The following CDC42BPB variants were observed in gnomAD, a reference collection of about 807,000 sequenced individuals.
The protein encoded by CDC42BPB is serine/threonine-protein kinase MRCK beta.
Under a neutral mutation model 214.9 loss-of-function variants are expected in CDC42BPB, and 37 were observed. The ratio of observed to expected loss-of-function variants is 0.17; its 90% CI spans 0.13 to 0.23. The LOEUF is 0.23. CDC42BPB is among the 10% of genes least tolerant of loss of function. The probability of loss-of-function intolerance (pLI) is 1.00; values close to 1 mark genes in which losing one functional copy is unlikely to be tolerated. For missense variants in CDC42BPB, 1,694 were observed against 2,227.0 expected, an observed-to-expected ratio of 0.76 and a Z score of 4.82; for synonymous variants, 931 against 884.0, an observed-to-expected ratio of 1.05 and a Z score of -0.94.
At chr14:103,050,629 T>TG (rs34779368) in intron 1 of CDC42BPB, among the ~76,000 whole-genome samples, 36,194 of 152,096 alleles carry the variant, frequency 0.24, 5,433 homozygotes, top group Non-Finnish European at 0.33. Flanking sequence ...TAGCGGTGTA[T>TG]GCCTATTGTC....
chr14:103,045,999 T>C (rs997659961), intron 1 of CDC42BPB, among the ~76,000 whole-genome samples: 1 of 152,062 alleles, frequency 6.6e-6, no homozygotes, highest in African/African-American at 2.4e-5. Context: ...GGACGAGTGG[T>C]ATCTAACTCA....
chr14:102,957,050 A>G (rs951588814), intron 21 of CDC42BPB, among the ~76,000 whole-genome samples: 1 of 144,890 alleles, frequency 6.9e-6, no homozygotes, highest in Non-Finnish European at 1.5e-5. Context: ...AAAAAAAAAA[A>G]ATTAGCCGGG....
intron 30 of CDC42BPB, 84 bp from the exon 31 acceptor site, chr14:102,940,408 T>C: frequency 3.9e-6 from 6 of 1,541,944 alleles, no homozygotes; most frequent in Non-Finnish European, 5.3e-6. Context: ...GCCTTGGCAC[T>C]TGAACAAGTG....
intron 36 of CDC42BPB, among the ~76,000 whole-genome samples, chr14:102,935,568 T>A (rs942685026): frequency 3.3e-5 from 5 of 152,088 alleles, no homozygotes; most frequent in African/African-American, 1.2e-4. Context: ...GGCGGGCAGA[T>A]CACTTGAGGT....
intron 14 of CDC42BPB, among the ~76,000 whole-genome samples, chr14:102,969,812 C>A (rs926225757): frequency 3.9e-5 from 6 of 152,236 alleles, no homozygotes; most frequent in Non-Finnish European, 8.8e-5. Flanking sequence ...CAAAACTCAA[C>A]TGCACCGAAT....
rs1022116986 is a variant in CDC42BPB at position 103,001,300 on chromosome 14, G to A, written c.448-1587C>T. On this transcript the variant is annotated intron_variant, in intron 4 of 36. Coordinates refer to ENST00000361246, the MANE Select transcript of CDC42BPB (RefSeq NM_006035.4). This position sits in a 1 kb window ranked among gnomAD's most constrained non-coding sequence, Gnocchi z 5.8. ...TGGCAACAGGGGTGCTGGCATGCAC[G>A]AGACAGCGAGGTCCCTGGCTCAGCA... Among the ~76,000 whole-genome samples, 31 of 152,178 alleles carry A rather than the reference G, an allele frequency of 2.0e-4. No homozygotes were observed. The highest frequency in any genetic ancestry group is 4.8e-4 in the African/African-American group (20 of 41,456).
intron 1 of CDC42BPB, among the ~76,000 whole-genome samples, chr14:103,044,037 G>C (rs1391409457): frequency 6.6e-6 from 1 of 152,138 alleles, no homozygotes; most frequent in Non-Finnish European, 1.5e-5. Flanking sequence ...GGTAAAACTG[G>C]AAATAGAGCA....
Position 102,975,779 on chromosome 14 carries a change from A to C in CDC42BPB, c.1412T>G (p.Leu471Arg), listed in dbSNP as rs1448257033. 6.2e-7 allele frequency: 1 copy of C among 1,614,126 alleles called. No homozygotes were observed. ...LQESTQTVQS[L>R]HGSSRALSNS... is the part of the protein sequence containing the mutation. ...GCTGAGGGCCCGAGATGAGCCGTGG[A>C]GGGACTGCACGGTCTGGGTGGACTC... Residue 471 changes from leucine to arginine, a missense_variant, in exon 11 of 37, where the codon CTC becomes CGC. By Grantham distance (102) the Leu-to-Arg change is moderately radical. This residue lies in a region of CDC42BPB where 462 missense variants were observed against 513.5 expected (regional missense o/e 0.90). Coordinates refer to ENST00000361246, the MANE Select transcript of CDC42BPB (RefSeq NM_006035.4).
intron 1 of CDC42BPB, among the ~76,000 whole-genome samples, chr14:103,046,599 A>G (rs1888301094): frequency 6.6e-6 from 1 of 152,202 alleles, no homozygotes; most frequent in Non-Finnish European, 1.5e-5. Context: ...AAATGTGTCT[A>G]AAACGCACTG....
At chr14:102,936,664 T>C (rs1401764538) in intron 36 of CDC42BPB, among the ~76,000 whole-genome samples, 1 of 152,200 alleles carries the variant, frequency 6.6e-6, no homozygotes, top group East Asian at 1.9e-4. Flanking sequence ...AATGTCTTTT[T>C]TATTATGTTT....
chr14:103,028,619 T>C (rs568698314), intron 1 of CDC42BPB, among the ~76,000 whole-genome samples: 1 of 152,212 alleles, frequency 6.6e-6, no homozygotes, highest in Non-Finnish European at 1.5e-5. Context: ...CAGTGCCTGG[T>C]GCACAGCTGG....
rs147856179 is a variant in CDC42BPB, at chr14:102,999,572, C to T, written c.589G>A (p.Val197Met). ...AIDSIHQLHY[V>M]HRDIKPDNVL... Reference sequence around the variant, plus strand: ...ATATCAGAAGCCGGTTACCTGTGCACGTAATGAAGCTGATGGATGGAGTCA... The same window carrying T: ...ATATCAGAAGCCGGTTACCTGTGCATGTAATGAAGCTGATGGATGGAGTCA... Residue 197 changes from valine (V) to methionine (M), a missense_variant, in exon 5 of 37, where the codon GTG (valine) becomes ATG (methionine). Around this residue, in one of 7 missense-constraint regions of CDC42BPB, gnomAD observed 225 missense variants for 459.3 expected, o/e 0.49. Transcript: ENST00000361246. 6.2e-7 allele frequency: 1 copy of T among 1,613,934 alleles called. No homozygotes were observed. Among genetic ancestry groups the T allele is most frequent in the Non-Finnish European group, 8.5e-7 (1 of 1,179,880 alleles).
At chr14:102,973,429 A>G (rs1214523882) in intron 12 of CDC42BPB, among the ~76,000 whole-genome samples, 1 of 152,256 alleles carries the variant, frequency 6.6e-6, no homozygotes, top group Non-Finnish European at 1.5e-5. Flanking sequence ...AAAGTTTCCC[A>G]TATATTACTA....
intron 1 of CDC42BPB, among the ~76,000 whole-genome samples, chr14:103,053,352 A>AAAAAG (rs911671227): frequency 5.3e-5 from 8 of 151,848 alleles, no homozygotes; most frequent in Non-Finnish European, 8.8e-5. Flanking sequence ...GTCTCAAAAA[A>AAAAAG]AAAAGAAAAG....
intron 1 of CDC42BPB, among the ~76,000 whole-genome samples, chr14:103,024,141 C>T (rs1886922609): frequency 6.6e-6 from 1 of 152,222 alleles, no homozygotes; most frequent in African/African-American, 2.4e-5. Flanking sequence ...CTGGGACCGC[C>T]AGGACAGGAA....
chr14:102,944,077 G>A lies in CDC42BPB; in HGVS notation c.4222C>T (p.Leu1408=). 1 of 1,613,610 alleles carries A rather than the reference G, an allele frequency of 6.2e-7. No individual in the cohort carries two copies. Among genetic ancestry groups the A allele is most frequent in the East Asian group, 2.2e-5 (1 of 44,876 alleles). ...SIQGDGQPLN[L]VNPNDPSLAF... is the part of the protein sequence containing the mutation. ...AGCGAGGGGTCATTGGGATTTACCA[G>A]GTTTAGAGGCTGCCCGTCCCCCTGG... Residue 1408 remains leucine, a synonymous_variant, in exon 30 of 37, where the codon CTG becomes TTG. Coordinates refer to ENST00000361246, the MANE Select transcript of CDC42BPB (RefSeq NM_006035.4). The surrounding 1 kb of genome is among the most constrained non-coding windows in gnomAD (Gnocchi z 6.6).
At chr14:102,936,516 G>A (rs973213531) in intron 36 of CDC42BPB, among the ~76,000 whole-genome samples, 1 of 152,030 alleles carries the variant, frequency 6.6e-6, no homozygotes, top group Non-Finnish European at 1.5e-5. Context: ...ACTGCCATAC[G>A]AGAGGCTGGG....
At chr14:102,997,509 T>C (rs767392831) in intron 5 of CDC42BPB, among the ~76,000 whole-genome samples, 1 of 152,018 alleles carries the variant, frequency 6.6e-6, no homozygotes, top group Non-Finnish European at 1.5e-5. Flanking sequence ...TGAAAAGCCA[T>C]CTCAGAATGA....
intron 18 of CDC42BPB, among the ~76,000 whole-genome samples, chr14:102,965,208 A>C (rs1893144166): frequency 1.3e-5 from 2 of 152,290 alleles, no homozygotes; most frequent in South Asian, 4.1e-4. Context: ...CTGGGATTAC[A>C]GGCATGAGCC....
Sources: gnomAD v4.1 joint callset for allele counts (sites outside exome capture counted in the v4.1 genomes callset) on GRCh38, gnomAD v4.1.1 for gene constraint, gnomAD v4.1.1 regional missense constraint, Gnocchi (gnomAD v3.1) non-coding constraint, MANE v1.5 for transcripts, NCBI Gene and HGNC (gene_info 2026-07-23, HGNC 2026-07-21) for gene names.